The following HPGD variants were observed in gnomAD, a reference collection of about 807,000 sequenced individuals.
The protein encoded by HPGD is 15-hydroxyprostaglandin dehydrogenase.
Under a neutral mutation model 30.0 loss-of-function variants are expected in HPGD, and 29 were observed. The observed-to-expected ratio is 0.97, with a 90% CI of 0.72 to 1.32. The LOEUF (loss-of-function observed/expected upper bound fraction) is 1.32, where lower values mean the gene tolerates loss of function less well. Ranked by LOEUF, HPGD falls within the 40% of genes most tolerant of loss-of-function variation. The pLI, the probability that HPGD is intolerant of heterozygous loss-of-function variation, is 0.00. For synonymous variants in HPGD, 99 were observed against 112.4 expected (o/e 0.88, Z 0.75); for missense variants, 340 against 322.1 (o/e 1.06, Z -0.43).
chr4:174,516,457 G>A (rs374009280), intron 3 of HPGD, among the ~76,000 whole-genome samples: 2 of 152,016 alleles, frequency 1.3e-5, no homozygotes, highest in African/African-American at 4.8e-5. Flanking sequence ...GGATACAAAG[G>A]GGAACAATAG....
intron 2 of HPGD, among the ~76,000 whole-genome samples, chr4:174,518,489 T>A (rs1241275209): frequency 6.6e-6 from 1 of 152,204 alleles, no homozygotes; most frequent in South Asian, 2.1e-4. Flanking sequence ...ACTGAAGCTC[T>A]GTAGCTTAGA....
intron 4 of HPGD, 108 bp downstream of exon 4, chr4:174,508,588 T>C (rs1483370944): frequency 2.6e-6 from 2 of 767,488 alleles, no homozygotes; most frequent in East Asian, 2.5e-5. Flanking sequence ...AACGATCAGA[T>C]TTTTAATTTC....
chr4:174,522,543 C>A, upstream of HPGD: 2 of 887,396 alleles, frequency 2.3e-6, no homozygotes, highest in Non-Finnish European at 3.2e-6. Context: ...GCGCGTGCAG[C>A]CCGGCGGGGC....
At chr4:174,502,696 A>AAAAAG (rs1734979454) in intron 4 of HPGD, among the ~76,000 whole-genome samples, 2 of 150,968 alleles carry the variant, frequency 1.3e-5, no homozygotes, top group Non-Finnish European at 1.5e-5. Flanking sequence ...AAAAAAAAAA[A>AAAAAG]GTGACACATG....
At chr4:174,520,869 C>T (rs1019387805) in intron 2 of HPGD, among the ~76,000 whole-genome samples, 2 of 152,196 alleles carry the variant, frequency 1.3e-5, no homozygotes, top group Non-Finnish European at 1.5e-5. Context: ...TGCTTGTCAT[C>T]TGTGTTATAG....
At chr4:174,497,568 C>CTTTTCTTT (rs1553998366) in intron 4 of HPGD, among the ~76,000 whole-genome samples, 9 of 51,106 alleles carry the variant, frequency 1.8e-4, no homozygotes, top group African/African-American at 6.0e-4. Context: ...CTTTTTCTTT[C>CTTTTCTTT]TTTTTTTTTT....
intron 2 of HPGD, 25 bp from the exon 3 acceptor site, chr4:174,518,102 G>T: frequency 1.8e-6 from 2 of 1,082,620 alleles, no homozygotes; most frequent in Non-Finnish European, 1.4e-6. Flanking sequence ...AGATATTAGT[G>T]ATACATTCTT....
rs1173403129 is a variant in HPGD, at chr4:174,494,115, T to C, written c.499-801A>G. On this transcript the variant is annotated intron_variant, in intron 5 of 6. Coordinates refer to ENST00000296522, the MANE Select transcript of HPGD (RefSeq NM_000860.6). This position sits in a 1 kb window ranked among gnomAD's most constrained non-coding sequence, Gnocchi z 4.9. ...CCAAACCCACTGCAGAAGTGCTGTG[T>C]AGTGTTCCTTAGTGTAAGAAGACTG... is the stretch of plus-strand genomic sequence containing the variant. Among the ~76,000 whole-genome samples, 4 of 152,176 alleles carry C rather than the reference T, an allele frequency of 2.6e-5. No individual in the cohort carries two copies. Among genetic ancestry groups the C allele is most frequent in the African/African-American group, 4.8e-5 (2 of 41,440 alleles).
rs1206280949 is a variant in HPGD, at chr4:174,508,905, T to C, written c.325-113A>G. The C allele has an allele frequency of 6.8e-6, 5 of 731,006 alleles. No homozygotes were observed. The Admixed American group carries it at 9.3e-5, about 14-fold the overall frequency. 45.3% of individuals were successfully genotyped at this position (731,006 alleles called of 1,614,324 possible). A position where few individuals can be genotyped will look rare whatever the true frequency, so the allele number is the denominator to read the frequency against. Reference sequence around the variant, plus strand: ...ATACCTAGGGAGATTTCTGCAAATATTATCAATGAAAGGTTTTAAAAGAGC... The same window carrying C: ...ATACCTAGGGAGATTTCTGCAAATACTATCAATGAAAGGTTTTAAAAGAGC... On this transcript the variant is annotated intron_variant, in intron 3 of 6. Coordinates refer to ENST00000296522, the MANE Select transcript of HPGD (RefSeq NM_000860.6).
chr4:174,515,178 A>G (rs1171779165), intron 3 of HPGD, among the ~76,000 whole-genome samples: 1 of 152,212 alleles, frequency 6.6e-6, no homozygotes, highest in Admixed American at 6.5e-5. Flanking sequence ...TCAAATTCAT[A>G]TGGAATCCAA....
rs1560976894 is a variant in HPGD, at chr4:174,497,568, C to CCTTTTTTTTTTTTTTTTTTTTTTTT, written c.422-1945_422-1944insAAAAAAAAAAAAAAAAAAAAAAAAG. On this transcript the variant is annotated intron_variant, in intron 4 of 6. Coordinates refer to ENST00000296522, the MANE Select transcript of HPGD (RefSeq NM_000860.6). Reference sequence around the variant, plus strand: ...CACTTTCTTTTCTTTCTTTTTCTTTCTTTTTTTTTTTTTTTTTTTTTTTTT... The same window carrying CCTTTTTTTTTTTTTTTTTTTTTTTT: ...CACTTTCTTTTCTTTCTTTTTCTTTCCTTTTTTTTTTTTTTTTTTTTTTTTTTTTTTTTTTTTTTTTTTTTTTTTT... Among the ~76,000 whole-genome samples, 2 of 51,114 alleles carry CCTTTTTTTTTTTTTTTTTTTTTTTT rather than the reference C, an allele frequency of 3.9e-5. 1 individual carries two copies. Among genetic ancestry groups the CCTTTTTTTTTTTTTTTTTTTTTTTT allele is most frequent in the Admixed American group, 4.6e-4 (2 of 4,308 alleles). The allele number at this position is 51,114 out of a possible 152,430, so 33.5% of individuals were successfully genotyped here.
At chr4:174,502,717 A>C (rs1424902444) in intron 4 of HPGD, among the ~76,000 whole-genome samples, 1 of 151,652 alleles carries the variant, frequency 6.6e-6, no homozygotes, top group African/African-American at 2.4e-5. Context: ...CTTTCATAAA[A>C]CCACTATATA....
At chr4:174,499,699 C>T (rs1734810078) in intron 4 of HPGD, among the ~76,000 whole-genome samples, 1 of 152,320 alleles carries the variant, frequency 6.6e-6, no homozygotes, top group South Asian at 2.1e-4. Context: ...ATCCCTTCCT[C>T]AGCAGCAACT....
chr4:174,495,124 A>G (rs187741035), intron 5 of HPGD, among the ~76,000 whole-genome samples: 1 of 152,108 alleles, frequency 6.6e-6, no homozygotes, highest in East Asian at 1.9e-4. Context: ...ATCCTTGACC[A>G]CTCTATCAAG....
At chr4:174,502,321 G>GT (rs1261807340) in intron 4 of HPGD, among the ~76,000 whole-genome samples, 7 of 152,062 alleles carry the variant, frequency 4.6e-5, no homozygotes, top group Non-Finnish European at 7.4e-5. Context: ...TCTGATGGCT[G>GT]TTTTTTTTCT....
intron 2 of HPGD, among the ~76,000 whole-genome samples, chr4:174,521,250 A>G (rs1736093929): frequency 6.6e-6 from 1 of 152,036 alleles, no homozygotes; most frequent in Non-Finnish European, 1.5e-5. Context: ...CAGCTTTATA[A>G]TCAAAGCTGT....
rs1734331074 is a variant in HPGD, at chr4:174,491,282, C to A, written c.*674G>T. 1 of 152,518 alleles carries A rather than the reference C, an allele frequency of 6.6e-6. No individual in the cohort carries two copies. The highest frequency in any genetic ancestry group is 2.4e-5 in the African/African-American group (1 of 41,396). 9.4% of individuals were successfully genotyped at this position (152,518 alleles called of 1,614,324 possible). ...GAGATTTTTGGAGTCGGTAAAAGTT[C>A]TTAAAGTGAGCAGAGGAAAGAAATG... On this transcript the variant is annotated 3_prime_UTR_variant, in exon 7 of 7. Coordinates refer to ENST00000296522, the MANE Select transcript of HPGD (RefSeq NM_000860.6).
chr4:174,510,015 T>G (rs1197565615), intron 3 of HPGD, among the ~76,000 whole-genome samples: 1 of 152,206 alleles, frequency 6.6e-6, no homozygotes, highest in East Asian at 1.9e-4. Flanking sequence ...CTCAGACTTT[T>G]AAAAAAGGAA....
chr4:174,500,408 C>G (rs45561940), intron 4 of HPGD, among the ~76,000 whole-genome samples: 4,853 of 152,274 alleles, frequency 0.032, 261 homozygotes, highest in African/African-American at 0.11. Context: ...TTGGCATTTA[C>G]TCAAAGAACT....
Sources: gnomAD v4.1 joint callset for allele counts (sites outside exome capture counted in the v4.1 genomes callset) on GRCh38, gnomAD v4.1.1 for gene constraint, Gnocchi (gnomAD v3.1) non-coding constraint, MANE v1.5 for transcripts, NCBI Gene and HGNC (gene_info 2026-07-23, HGNC 2026-07-21) for gene names.